The following LINGO2 variants were observed in gnomAD, a reference collection of about 807,000 sequenced individuals.
LINGO2 encodes the protein leucine rich repeat and Ig domain containing 2, also known as leucine-rich repeat and immunoglobulin-like domain-containing nogo receptor-interacting protein 2.
In LINGO2, 14 loss-of-function variants were observed where a neutral mutation model predicts 30.6. The ratio of observed to expected loss-of-function variants is 0.46; its 90% CI spans 0.30 to 0.72. The LOEUF is 0.72. LINGO2 is among the 30% of genes least tolerant of loss of function. The pLI is 0.07. For synonymous variants in LINGO2, 317 were observed against 288.5 expected (o/e 1.10, Z -1.00); for missense variants, 729 against 751.7 (o/e 0.97, Z 0.35).
At chr9:28,889,715 C>T in the LINGO2 span, among the ~76,000 whole-genome samples, 3 of 151,976 alleles carry the variant, frequency 2.0e-5, no homozygotes, top group African/African-American at 7.2e-5. Context: ...CATTTAATGG[C>T]TCCTAACATT....
chr9:28,682,007 G>A, the LINGO2 span, among the ~76,000 whole-genome samples: 1 of 152,108 alleles, frequency 6.6e-6, no homozygotes, highest in African/African-American at 2.4e-5. Context: ...ACAGCAAGCT[G>A]AAATGGCAGC....
At chr9:27,966,965 T>G (rs1181628847) in intron 5 of LINGO2, among the ~76,000 whole-genome samples, 4 of 152,132 alleles carry the variant, frequency 2.6e-5, no homozygotes, top group Non-Finnish European at 4.4e-5. Flanking sequence ...ATTCTTCAAT[T>G]TTATCGATTG....
At chr9:28,858,263 G>T in the LINGO2 span, among the ~76,000 whole-genome samples, 1 of 151,930 alleles carries the variant, frequency 6.6e-6, no homozygotes, top group South Asian at 2.1e-4. Flanking sequence ...AGAGTGTCTA[G>T]GATTTCTGAC....
chr9:28,073,758 T>A (rs558930817), intron 4 of LINGO2, among the ~76,000 whole-genome samples: 2 of 152,204 alleles, frequency 1.3e-5, no homozygotes, highest in Non-Finnish European at 2.9e-5. Context: ...CCAGGAGCAG[T>A]GGCTCATGCT....
intron 3 of LINGO2, among the ~76,000 whole-genome samples, chr9:28,315,192 C>T (rs371772997): frequency 2.6e-5 from 4 of 151,848 alleles, no homozygotes; most frequent in African/African-American, 7.3e-5. Context: ...ATTACAAGGT[C>T]AGGAATTCAA....
exon 6 of LINGO2, chr9:27,949,397 C>T (rs760521373): frequency 1.2e-6 from 2 of 1,614,110 alleles, no homozygotes; most frequent in Admixed American, 3.3e-5. Context: ...GGACTGTCTG[C>T]CCTTCATCTA....
chr9:28,422,444 A>G (rs1180757372), intron 2 of LINGO2, among the ~76,000 whole-genome samples: 3 of 152,082 alleles, frequency 2.0e-5, no homozygotes, highest in Admixed American at 6.6e-5. Context: ...CATTAGTGGA[A>G]AGACAAATCA....
intron 4 of LINGO2, among the ~76,000 whole-genome samples, chr9:28,072,877 C>T (rs773107222): frequency 1.3e-5 from 2 of 151,976 alleles, no homozygotes; most frequent in Non-Finnish European, 2.9e-5. Flanking sequence ...CTTTTAGGCA[C>T]TCTGATAGCA....
chr9:28,179,530 CTATA>C (rs1828850316), intron 4 of LINGO2, among the ~76,000 whole-genome samples: 3 of 72,272 alleles, frequency 4.2e-5, no homozygotes, highest in South Asian at 2.9e-4. Flanking sequence ...TATATATAAA[CTATA>C]TATAGTTTTT....
At chr9:28,151,813 A>G (rs1828008826) in intron 4 of LINGO2, among the ~76,000 whole-genome samples, 1 of 152,126 alleles carries the variant, frequency 6.6e-6, no homozygotes, top group African/African-American at 2.4e-5. Context: ...AAATTTAATA[A>G]GAACTATAAA....
At chr9:28,906,055 T>C in the LINGO2 span, among the ~76,000 whole-genome samples, 1 of 151,986 alleles carries the variant, frequency 6.6e-6, no homozygotes, top group Non-Finnish European at 1.5e-5. Flanking sequence ...AGTTAGGCAC[T>C]GAAAAAGAAA....
chr9:28,142,291 G>A lies in LINGO2; in HGVS notation c.-86-129886C>T, dbSNP rs984894216. On this transcript the variant is annotated intron_variant, in intron 4 of 5. Transcript: ENST00000379992. The stretch of plus-strand genomic sequence containing the variant: ...GAGAAAAGCAATAAAACCAACACAC[G>A]AAATTAGTTGTATGTCATGTTTCCT... Among the ~76,000 whole-genome samples, 7 of 151,620 alleles carry A rather than the reference G, an allele frequency of 4.6e-5. No homozygotes were observed. The South Asian group carries it at 1.5e-3, about 32-fold the overall frequency.
At chr9:28,790,658 G>A in the LINGO2 span, among the ~76,000 whole-genome samples, 19 of 151,872 alleles carry the variant, frequency 1.3e-4, no homozygotes, top group Admixed American at 1.2e-3. Flanking sequence ...TATAGGCACT[G>A]TATCGTCTCT....
chr9:28,906,261 T>TCAATATAGTTAATAACA, the LINGO2 span, among the ~76,000 whole-genome samples: 3 of 151,922 alleles, frequency 2.0e-5, no homozygotes, highest in Non-Finnish European at 4.4e-5. Flanking sequence ...AATAACAATG[T>TCAATATAGTTAATAACA]ATTATATTTA....
chr9:29,130,451 G>A, the LINGO2 span, among the ~76,000 whole-genome samples: 1 of 152,112 alleles, frequency 6.6e-6, no homozygotes, highest in Admixed American at 6.6e-5. Flanking sequence ...AGTGGAAAGA[G>A]CTAATCAAAC....
intron 3 of LINGO2, among the ~76,000 whole-genome samples, chr9:28,362,602 C>T (rs1820495796): frequency 6.6e-6 from 1 of 152,020 alleles, no homozygotes; most frequent in South Asian, 2.1e-4. Flanking sequence ...TCCTGAGTAG[C>T]TGGGATTACA....
the LINGO2 span, among the ~76,000 whole-genome samples, chr9:28,858,909 A>G: frequency 9.9e-5 from 15 of 152,016 alleles, no homozygotes; most frequent in Admixed American, 3.3e-4. Flanking sequence ...TTACTCTGAA[A>G]TTTCCCCTTG....
At chr9:28,561,642 GTATTATATATGTATAATATATATA>G (rs1823068519) in intron 1 of LINGO2, among the ~76,000 whole-genome samples, 1 of 131,552 alleles carries the variant, frequency 7.6e-6, no homozygotes, top group Non-Finnish European at 1.6e-5. Context: ...ATATATAAAT[GTATTATATATGTATAATATATATA>G]AATTATATAT....
chr9:28,020,769 TTG>T (rs1823078280), intron 4 of LINGO2, among the ~76,000 whole-genome samples: 1 of 152,192 alleles, frequency 6.6e-6, no homozygotes, highest in East Asian at 1.9e-4. Context: ...TTTTGGTAGT[TTG>T]TGTCTTTTGA....
Sources: gnomAD v4.1 joint callset for allele counts (sites outside exome capture counted in the v4.1 genomes callset) on GRCh38, gnomAD v4.1.1 for gene constraint, MANE v1.5 for transcripts, NCBI Gene and HGNC (gene_info 2026-07-23, HGNC 2026-07-21) for gene names.